Variants in AGBL1 observed in about 807,000 individuals in gnomAD.
AGBL1 encodes cytosolic carboxypeptidase 4.
AGBL1 carries 130 observed loss-of-function variants against 118.9 expected under a neutral mutation model. That is an observed-to-expected ratio of 1.09 (90% CI 0.95 to 1.26). AGBL1 has a LOEUF of 1.26. Ranked by LOEUF, AGBL1 falls within the 50% of genes most tolerant of loss-of-function variation. AGBL1 has a pLI of 0.00. For synonymous variants in AGBL1, 555 were observed against 478.9 expected, an observed-to-expected ratio of 1.16 and a Z score of -2.08; for missense variants, 1,584 against 1,298.1, an observed-to-expected ratio of 1.22 and a Z score of -3.38.
chr15:86,927,583 T>A (rs1428157579), intron 23 of AGBL1, among the ~76,000 whole-genome samples: 1 of 152,164 alleles, frequency 6.6e-6, no homozygotes, highest in Admixed American at 6.5e-5. Flanking sequence ...CAAGACCCCA[T>A]CTTTGAAATA....
At chr15:86,821,559 T>G (rs1350626994) in intron 22 of AGBL1, among the ~76,000 whole-genome samples, 1 of 152,196 alleles carries the variant, frequency 6.6e-6, no homozygotes, top group Non-Finnish European at 1.5e-5. Context: ...AAAGCATTCA[T>G]GATGACTCAT....
chr15:86,461,922 C>T (rs772410676), intron 18 of AGBL1, among the ~76,000 whole-genome samples: 14 of 152,178 alleles, frequency 9.2e-5, no homozygotes, highest in Admixed American at 3.9e-4. Flanking sequence ...GGTGAGCAAA[C>T]GGCTTGCAAC....
intron 20 of AGBL1, among the ~76,000 whole-genome samples, chr15:86,553,799 C>T (rs912249204): frequency 1.3e-5 from 2 of 152,194 alleles, no homozygotes; most frequent in Middle Eastern, 3.4e-3. Context: ...TGGAGTTGGC[C>T]AGGTTGGCAT....
chr15:86,232,784 A>T (rs140681404), intron 6 of AGBL1, among the ~76,000 whole-genome samples: 1 of 152,098 alleles, frequency 6.6e-6, no homozygotes, highest in African/African-American at 2.4e-5. Flanking sequence ...TCAGGAAAAC[A>T]CCATGTAAGG....
chr15:86,919,235 A>G (rs2080460312), downstream of AGBL1, among the ~76,000 whole-genome samples: 1 of 152,210 alleles, frequency 6.6e-6, no homozygotes, highest in East Asian at 1.9e-4. Flanking sequence ...CCCTTCAACA[A>G]GACCGCTTAG....
At chr15:86,952,088 G>C (rs889649946) in intron 23 of AGBL1, among the ~76,000 whole-genome samples, 1 of 152,066 alleles carries the variant, frequency 6.6e-6, no homozygotes, top group Non-Finnish European at 1.5e-5. Context: ...AAAATTAGTT[G>C]TGTGTGGTGG....
At chr15:86,641,211 ATAT>A (rs2085184236) in intron 21 of AGBL1, among the ~76,000 whole-genome samples, 1 of 152,074 alleles carries the variant, frequency 6.6e-6, no homozygotes, top group Non-Finnish European at 1.5e-5. Flanking sequence ...TTCTTAAGTA[ATAT>A]TTATTCAGGC....
In AGBL1 at chr15:86,278,119, C is replaced by G. The variant is rs532819798; in HGVS notation, c.2076-1520C>G. ...TACTTTCTAATAACCAGAGTCATAG[C>G]TTTTGGAGAAGCTTCAGAACTTTGG... On this transcript the variant is annotated intron_variant, in intron 15 of 22. Coordinates refer to ENST00000614907, the MANE Select transcript of AGBL1 (RefSeq NM_001386094.1). 5.9e-5 allele frequency among the ~76,000 whole-genome samples: 9 copies of G among 152,316 alleles called. No individual in the cohort carries two copies. The South Asian group carries it at 1.9e-3, about 32-fold the overall frequency.
intron 23 of AGBL1, among the ~76,000 whole-genome samples, chr15:86,979,386 T>C (rs2081206317): frequency 6.6e-6 from 1 of 152,206 alleles, no homozygotes; most frequent in Non-Finnish European, 1.5e-5. Context: ...GTTATCTTAC[T>C]ATATCTAATA....
intron 22 of AGBL1, among the ~76,000 whole-genome samples, chr15:86,792,870 A>T (rs2078515221): frequency 6.6e-6 from 1 of 152,138 alleles, no homozygotes; most frequent in South Asian, 2.1e-4. Flanking sequence ...TATCTCCATG[A>T]TTCCCAGTAA....
chr15:86,569,601 T>C (rs2142307185), intron 21 of AGBL1, among the ~76,000 whole-genome samples: 1 of 152,324 alleles, frequency 6.6e-6, no homozygotes, highest in Middle Eastern at 3.4e-3. Context: ...CTATGAGCAG[T>C]TTATTAACTC....
At chr15:86,745,025 C>G (rs1345087514) in intron 22 of AGBL1, among the ~76,000 whole-genome samples, 2 of 152,052 alleles carry the variant, frequency 1.3e-5, no homozygotes, top group Non-Finnish European at 2.9e-5. Context: ...AGGTGGACCA[C>G]TGGGGGAAGA....
chr15:86,812,472 A>G (rs1446827177), intron 22 of AGBL1, among the ~76,000 whole-genome samples: 2 of 152,232 alleles, frequency 1.3e-5, no homozygotes, highest in South Asian at 4.1e-4. Context: ...AAATGAAACA[A>G]AACAGAAAAA....
intron 22 of AGBL1, among the ~76,000 whole-genome samples, chr15:86,802,631 GAATATGCATA>G (rs1171559417): frequency 3.3e-5 from 5 of 152,134 alleles, no homozygotes; most frequent in Non-Finnish European, 7.3e-5. Flanking sequence ...GGGAAGCTGG[GAATATGCATA>G]TCATTGTTTC....
intron 22 of AGBL1, among the ~76,000 whole-genome samples, chr15:86,777,967 C>T (rs1459850516): frequency 6.6e-6 from 1 of 152,104 alleles, no homozygotes; most frequent in Admixed American, 6.6e-5. Context: ...GGGCGAAGTT[C>T]ACCCCCAATA....
rs79808555 is a variant in AGBL1, at chr15:86,603,073, T to G, written c.2994+48536T>G. Reference sequence around the variant, plus strand: ...AGCAATGATAGGATAAAGGCAGTATTGGTCCACATGCATTCTGAATGTGGG... The same window carrying G: ...AGCAATGATAGGATAAAGGCAGTATGGGTCCACATGCATTCTGAATGTGGG... On this transcript the variant is annotated intron_variant, in intron 21 of 22. Transcript: ENST00000614907. Among the ~76,000 whole-genome samples the G allele has an allele frequency of 6.5e-3, 989 of 152,300 alleles. 10 individuals carry two copies. Among genetic ancestry groups the G allele is most frequent in the African/African-American group, 0.022 (924 of 41,572 alleles).
chr15:86,952,123 G>C (rs113717491), intron 23 of AGBL1, among the ~76,000 whole-genome samples: 5,933 of 151,906 alleles, frequency 0.039, 161 homozygotes, highest in Middle Eastern at 0.071. Context: ...CCCAGCTACT[G>C]CAGAGGCTGA....
chr15:86,100,752 CT>C (rs1408253250), intron 1 of AGBL1, among the ~76,000 whole-genome samples: 10 of 151,740 alleles, frequency 6.6e-5, no homozygotes, highest in African/African-American at 2.4e-4. Flanking sequence ...TCATTTGGGT[CT>C]TTCCTCTTTT....
intron 21 of AGBL1, among the ~76,000 whole-genome samples, chr15:86,612,721 C>T (rs1425960518): frequency 6.6e-6 from 1 of 152,114 alleles, no homozygotes; most frequent in African/African-American, 2.4e-5. Flanking sequence ...CGGTAGAGAA[C>T]CTTCTTTCTT....
Sources: allele counts gnomAD v4.1 joint callset (sites outside exome capture counted in the v4.1 genomes callset), GRCh38; gene constraint gnomAD v4.1.1; transcripts MANE v1.5; gene names NCBI Gene and HGNC (gene_info 2026-07-23, HGNC 2026-07-21).